PEBP4: variants seen among roughly 807,000 people sequenced by gnomAD.
The protein encoded by PEBP4 is phosphatidylethanolamine-binding protein 4.
A neutral mutation model predicts 23.9 loss-of-function variants in PEBP4; 22 were observed. The ratio of observed to expected loss-of-function variants is 0.92; its 90% CI spans 0.66 to 1.31. The LOEUF (loss-of-function observed/expected upper bound fraction) is 1.31, where lower values mean the gene tolerates loss of function less well. Among genes scored for constraint, PEBP4 ranks in the 40% most tolerant of loss-of-function variants. The pLI, the probability that PEBP4 is intolerant of heterozygous loss-of-function variation, is 0.00. For missense variants in PEBP4, 324 were observed against 281.7 expected (o/e 1.15, Z -1.07); for synonymous variants, 112 against 99.3 (o/e 1.13, Z -0.76).
intron 3 of PEBP4, among the ~76,000 whole-genome samples, chr8:22,904,014 C>G (rs951165007): frequency 6.6e-6 from 1 of 152,214 alleles, no homozygotes; most frequent in South Asian, 2.1e-4. Flanking sequence ...TTCATCATCA[C>G]AAAAAGAAAA....
chr8:22,934,089 C>T (rs1483852440), intron 1 of PEBP4, among the ~76,000 whole-genome samples: 1 of 152,086 alleles, frequency 6.6e-6, no homozygotes, highest in East Asian at 1.9e-4. Flanking sequence ...GAATGCACTC[C>T]CCTGGAACTG....
At chr8:22,777,675 G>A (rs1191158224) in intron 4 of PEBP4, among the ~76,000 whole-genome samples, 1 of 152,122 alleles carries the variant, frequency 6.6e-6, no homozygotes, top group Non-Finnish European at 1.5e-5. Context: ...GTGGTGGCTG[G>A]GGCACCGGGA....
chr8:22,739,852 TATGAG>T (rs1280200369), intron 4 of PEBP4, among the ~76,000 whole-genome samples: 5 of 152,076 alleles, frequency 3.3e-5, no homozygotes, highest in Admixed American at 3.3e-4. Flanking sequence ...ATGTGCCACC[TATGAG>T]ATGAGGTGTC....
intron 3 of PEBP4, among the ~76,000 whole-genome samples, chr8:22,821,280 A>C (rs1806851783): frequency 6.6e-6 from 1 of 152,204 alleles, no homozygotes; most frequent in Non-Finnish European, 1.5e-5. Flanking sequence ...AAATCCAAAC[A>C]AACCCTGAAA....
At position 22,927,571 on chromosome 8, in the gene PEBP4, T is replaced by C; in HGVS notation, c.131+13A>G. The stretch of plus-strand genomic sequence containing the variant: ...CCTCTGTGCCTCCCGCCTCCAAGCC[T>C]GCCCTGACTTACTGGCAAAAGAGGG... On this transcript the variant is annotated intron_variant, in intron 2 of 6. Transcript: ENST00000256404. The C allele has an allele frequency of 6.2e-7, 1 of 1,606,858 alleles. No individual in the cohort carries two copies. The highest frequency in any genetic ancestry group is 8.5e-7 in the Non-Finnish European group (1 of 1,176,016).
At chr8:22,771,565 A>G (rs145974370) in intron 4 of PEBP4, among the ~76,000 whole-genome samples, 2,521 of 152,356 alleles carry the variant, frequency 0.017, 32 homozygotes, top group South Asian at 0.085. Flanking sequence ...TATTGACAAC[A>G]CTAAGCAATC....
intron 4 of PEBP4, among the ~76,000 whole-genome samples, chr8:22,789,429 C>T (rs144929292): frequency 5.3e-5 from 8 of 152,104 alleles, no homozygotes; most frequent in South Asian, 2.1e-4. Flanking sequence ...AAACTAGGGT[C>T]GTCCAACCTT....
chr8:22,929,378 G>A (rs1014622206), upstream of PEBP4, among the ~76,000 whole-genome samples: 1 of 152,160 alleles, frequency 6.6e-6, no homozygotes, highest in Non-Finnish European at 1.5e-5. Context: ...CTTCCAAATG[G>A]CATCCACTAG....
chr8:22,898,425 A>C (rs1232599910), intron 3 of PEBP4, among the ~76,000 whole-genome samples: 5 of 112,796 alleles, frequency 4.4e-5, no homozygotes, highest in African/African-American at 8.6e-5. Flanking sequence ...AAAAAAAAAA[A>C]AAAAAACCCA....
intron 4 of PEBP4, among the ~76,000 whole-genome samples, chr8:22,794,916 G>A (rs977868544): frequency 4.6e-5 from 7 of 151,770 alleles, no homozygotes; most frequent in South Asian, 2.1e-4. Flanking sequence ...GATAAAGAGT[G>A]TCAACATTTA....
chr8:22,729,612 G>A (rs1804691586), intron 4 of PEBP4, among the ~76,000 whole-genome samples: 1 of 152,224 alleles, frequency 6.6e-6, no homozygotes, highest in South Asian at 2.1e-4. Context: ...CATAGGCAAA[G>A]ATTCTGCAAA....
chr8:22,721,305 A>G (rs1804513130), intron 6 of PEBP4, among the ~76,000 whole-genome samples: 1 of 152,108 alleles, frequency 6.6e-6, no homozygotes, highest in South Asian at 2.1e-4. Flanking sequence ...AGACCCAGGG[A>G]GGGGAGGTCA....
Position 22,726,994 on chromosome 8 carries a change from C to CT in PEBP4, c.403+180dup, listed in dbSNP as rs554981168. On this transcript the variant is annotated intron_variant, in intron 5 of 6. Coordinates refer to ENST00000256404, the MANE Select transcript of PEBP4 (RefSeq NM_144962.3). The stretch of plus-strand genomic sequence containing the variant: ...ATGGTCTGTGCCTCAGTGTTATCCT[C>CT]TTAAAATGGGGACACTGATGGCAGT... 6.6e-3 allele frequency among the ~76,000 whole-genome samples: 1,010 copies of CT among 152,282 alleles called. 14 individuals are homozygous for CT. The highest frequency in any genetic ancestry group is 0.023 in the African/African-American group (953 of 41,548).
chr8:22,767,067 C>T (rs1034183557), intron 4 of PEBP4, among the ~76,000 whole-genome samples: 3 of 152,172 alleles, frequency 2.0e-5, no homozygotes, highest in Non-Finnish European at 2.9e-5. Context: ...TTAAGCCATA[C>T]GAAGGGGTGT....
intron 6 of PEBP4, among the ~76,000 whole-genome samples, chr8:22,720,817 G>C (rs1804502048): frequency 6.6e-6 from 1 of 152,170 alleles, no homozygotes. Context: ...CCTATCCATA[G>C]AGCTACACCA....
intron 3 of PEBP4, among the ~76,000 whole-genome samples, chr8:22,911,352 G>A (rs576147484): frequency 6.6e-6 from 1 of 152,112 alleles, no homozygotes; most frequent in African/African-American, 2.4e-5. Context: ...GCCCCCAGCA[G>A]CTGCTGCAGC....
At chr8:22,933,149 G>A (rs545476374) in intron 1 of PEBP4, among the ~76,000 whole-genome samples, 1 of 152,250 alleles carries the variant, frequency 6.6e-6, no homozygotes, top group Non-Finnish European at 1.5e-5. Flanking sequence ...CCCATCATGT[G>A]CAATGCTCTA....
chr8:22,817,386 T>G (rs992998166), intron 4 of PEBP4, among the ~76,000 whole-genome samples: 2 of 152,190 alleles, frequency 1.3e-5, no homozygotes, highest in Admixed American at 1.3e-4. Flanking sequence ...ACCATAAAAA[T>G]CAGCAAACAC....
intron 3 of PEBP4, among the ~76,000 whole-genome samples, chr8:22,889,276 G>T (rs1037020452): frequency 6.6e-6 from 1 of 152,202 alleles, no homozygotes; most frequent in African/African-American, 2.4e-5. Flanking sequence ...CTGGGAAAAG[G>T]AGGAAAAGAA....
Sources: gnomAD v4.1 joint callset for allele counts (sites outside exome capture counted in the v4.1 genomes callset) on GRCh38, gnomAD v4.1.1 for gene constraint, MANE v1.5 for transcripts, NCBI Gene and HGNC (gene_info 2026-07-23, HGNC 2026-07-21) for gene names.